The following SCAMP1 variants were observed in gnomAD, a reference collection of about 807,000 sequenced individuals.
SCAMP1 encodes the protein secretory carrier membrane protein 1, also known as secretory carrier-associated membrane protein 1.
Under a neutral mutation model 41.8 loss-of-function variants are expected in SCAMP1, and 15 were observed. That is an observed-to-expected ratio of 0.36 (90% CI 0.24 to 0.55). SCAMP1 has a LOEUF of 0.55. Ranked by LOEUF, SCAMP1 falls within the 20% of genes least tolerant of loss-of-function variation. SCAMP1 has a pLI of 0.86. For missense variants in SCAMP1, 341 were observed against 412.6 expected (o/e 0.83, Z 1.50); for synonymous variants, 135 against 136.8 (o/e 0.99, Z 0.09).
rs952194298 is a variant in SCAMP1 at position 78,417,641 on chromosome 5, G to A, written c.343+992G>A. 3.9e-5 allele frequency among the ~76,000 whole-genome samples: 6 copies of A among 152,286 alleles called. No homozygotes were observed. The South Asian group carries it at 6.2e-4, about 16-fold the overall frequency. On this transcript the variant is annotated intron_variant, in intron 4 of 8. Coordinates refer to ENST00000621999, the MANE Select transcript of SCAMP1 (RefSeq NM_004866.6). Reference sequence around the variant, plus strand: ...ATACAATCCTGTGAGGGGTGATAGAGTTTTTATTCTCATTTTACAGATATG... The same window carrying A: ...ATACAATCCTGTGAGGGGTGATAGAATTTTTATTCTCATTTTACAGATATG...
intron 6 of SCAMP1, among the ~76,000 whole-genome samples, chr5:78,447,289 C>G (rs941747620): frequency 2.0e-5 from 3 of 152,112 alleles, no homozygotes; most frequent in African/African-American, 7.2e-5. Flanking sequence ...AATGTAAAAA[C>G]CTTAAAATAG....
chr5:78,464,632 G>A (rs965556231), intron 8 of SCAMP1, among the ~76,000 whole-genome samples: 1 of 151,422 alleles, frequency 6.6e-6, no homozygotes, highest in Admixed American at 6.6e-5. Context: ...TCTGGGATTG[G>A]GAACGGCATT....
At chr5:78,421,366 G>A (rs937688022) in intron 5 of SCAMP1, among the ~76,000 whole-genome samples, 1 of 152,164 alleles carries the variant, frequency 6.6e-6, no homozygotes, top group African/African-American at 2.4e-5. Context: ...TACTGTATTA[G>A]TATTTTTAGT....
rs747747383 is a variant in SCAMP1, at chr5:78,421,944, C to G, written c.616C>G (p.Leu206Val). The G allele has an allele frequency of 1.1e-5, 17 of 1,611,274 alleles. No homozygotes were observed. The highest frequency in any genetic ancestry group is 1.3e-5 in the African/African-American group (1 of 74,756). The part of the protein sequence containing the change: ...PCSFVCWYRP[L>V]YGAFRSDSSF... Reference sequence around the variant, plus strand: ...TTCATTTGTCTGTTGGTACAGACCACTTTATGGAGCTTTCAGGTAAAATGT... The same window carrying G: ...TTCATTTGTCTGTTGGTACAGACCAGTTTATGGAGCTTTCAGGTAAAATGT... Residue 206 changes from leucine (L) to valine (V), a missense_variant, in exon 6 of 9, where the codon CTT becomes GTT. Coordinates refer to ENST00000621999, the MANE Select transcript of SCAMP1 (RefSeq NM_004866.6).
At position 78,480,059 on chromosome 5, in the gene SCAMP1, A is replaced by AC. The variant is rs1179332790; in HGVS notation, c.*4391_*4392insC. On this transcript the variant is annotated 3_prime_UTR_variant, in exon 9 of 9. Coordinates refer to ENST00000621999, the MANE Select transcript of SCAMP1 (RefSeq NM_004866.6). ...AGACTCCATCTCAAGAAAAAAAAAA[A>AC]AGAATTTTCATTAGTGCTGGCCGTG... is the stretch of plus-strand genomic sequence containing the variant. Among the ~76,000 whole-genome samples the AC allele has an allele frequency of 4.6e-5, 7 of 151,828 alleles. No individual in the cohort carries two copies. The East Asian group carries it at 1.4e-3, about 29-fold the overall frequency.
intron 8 of SCAMP1, among the ~76,000 whole-genome samples, chr5:78,466,731 A>G (rs1267040153): frequency 1.3e-5 from 2 of 152,162 alleles, no homozygotes; most frequent in African/African-American, 4.8e-5. Flanking sequence ...TAAGGAGGAG[A>G]GTAATTGAAT....
intron 2 of SCAMP1, among the ~76,000 whole-genome samples, chr5:78,401,764 G>A (rs1751805084): frequency 6.6e-6 from 1 of 151,930 alleles, no homozygotes; most frequent in Non-Finnish European, 1.5e-5. Context: ...TGAGTTTATC[G>A]ATCTTTTGAA....
chr5:78,445,508 C>T (rs1439845204), intron 6 of SCAMP1, among the ~76,000 whole-genome samples: 1 of 152,078 alleles, frequency 6.6e-6, no homozygotes, highest in South Asian at 2.1e-4. Context: ...ATTTTTAAAT[C>T]TATATTTCTG....
At chr5:78,403,105 A>G (rs771621165) in intron 2 of SCAMP1, among the ~76,000 whole-genome samples, 10 of 152,172 alleles carry the variant, frequency 6.6e-5, no homozygotes, top group African/African-American at 2.4e-4. Flanking sequence ...TCCTGGCCTC[A>G]AGTGATCTGC....
At chr5:78,409,975 CAG>C (rs1752029799) in intron 2 of SCAMP1, among the ~76,000 whole-genome samples, 2 of 152,066 alleles carry the variant, frequency 1.3e-5, no homozygotes, top group South Asian at 4.2e-4. Context: ...ACCAAGAAGA[CAG>C]GGCTTTGGGG....
chr5:78,449,608 T>C (rs55773498), intron 6 of SCAMP1, among the ~76,000 whole-genome samples: 7,144 of 152,260 alleles, frequency 0.047, 383 homozygotes, highest in East Asian at 0.3. Flanking sequence ...TGTGTGTTGA[T>C]TGTAATTCTA....
chr5:78,442,892 A>G (rs1752961606), intron 6 of SCAMP1, among the ~76,000 whole-genome samples: 1 of 152,142 alleles, frequency 6.6e-6, no homozygotes, highest in Non-Finnish European at 1.5e-5. Flanking sequence ...TCTTAGAGGT[A>G]GTTTTATCAC....
chr5:78,440,181 C>T (rs530999833), intron 6 of SCAMP1, among the ~76,000 whole-genome samples: 6 of 152,130 alleles, frequency 3.9e-5, no homozygotes, highest in East Asian at 1.9e-4. Flanking sequence ...TTTGTTATTA[C>T]GGATCGTCTG....
intron 6 of SCAMP1, among the ~76,000 whole-genome samples, chr5:78,442,274 T>C (rs984022131): frequency 2.6e-5 from 4 of 152,196 alleles, no homozygotes; most frequent in African/African-American, 9.6e-5. Context: ...AGTTTTTTGT[T>C]TGTTTGTTTG....
chr5:78,374,348 A>C (rs1422075457), intron 1 of SCAMP1, among the ~76,000 whole-genome samples: 3 of 152,140 alleles, frequency 2.0e-5, no homozygotes, highest in Non-Finnish European at 4.4e-5. Context: ...AGGTAGGGAA[A>C]TTCGGACACA....
At position 78,394,842 on chromosome 5, in the gene SCAMP1, G is replaced by A. The variant is rs534223649; in HGVS notation, c.135+5928G>A. 2.6e-4 allele frequency among the ~76,000 whole-genome samples: 39 copies of A among 152,250 alleles called. 1 individual carries two copies. The highest frequency in any genetic ancestry group is 1.0e-3 in the South Asian group (5 of 4,820). On this transcript the variant is annotated intron_variant, in intron 2 of 8. Coordinates refer to ENST00000621999, the MANE Select transcript of SCAMP1 (RefSeq NM_004866.6). ...TAGAAATACCCGATTTGTCTTTGGCGCTAACAGCTTCTTTTCCTACATCTA... is the reference window on the plus strand; with the variant it reads ...TAGAAATACCCGATTTGTCTTTGGCACTAACAGCTTCTTTTCCTACATCTA...
chr5:78,476,416 A>T lies in SCAMP1; in HGVS notation c.*748A>T, dbSNP rs576672284. 6.6e-6 allele frequency: 1 copy of T among 152,626 alleles called. No individual in the cohort carries two copies. The allele number at this position is 152,626 out of a possible 1,614,324, so 9.5% of individuals were successfully genotyped here. On this transcript the variant is annotated 3_prime_UTR_variant, in exon 9 of 9. Coordinates refer to ENST00000621999, the MANE Select transcript of SCAMP1 (RefSeq NM_004866.6). ...TGGGGGTGCAATATAAGAAGTTTAT[A>T]TAATATGCAGTACATTATCCAAAAG...
chr5:78,439,261 T>C (rs1752852980), intron 6 of SCAMP1, among the ~76,000 whole-genome samples: 1 of 151,724 alleles, frequency 6.6e-6, no homozygotes, highest in Non-Finnish European at 1.5e-5. Flanking sequence ...GTCATTATGA[T>C]GTTCGCTGGT....
In SCAMP1 at chr5:78,392,886, C is replaced by T. The variant is rs76888345; in HGVS notation, c.135+3972C>T. On this transcript the variant is annotated intron_variant, in intron 2 of 8. Coordinates refer to ENST00000621999, the MANE Select transcript of SCAMP1 (RefSeq NM_004866.6). Reference sequence around the variant, plus strand: ...ATTTAAGTGGTATATTAGCATTAGACCTTGGTCCTGTTTTAGTTAATTGGT... The same window carrying T: ...ATTTAAGTGGTATATTAGCATTAGATCTTGGTCCTGTTTTAGTTAATTGGT... Among the ~76,000 whole-genome samples the T allele has an allele frequency of 8.4e-3, 1,282 of 152,210 alleles. 1 individual carries two copies. Among genetic ancestry groups the T allele is most frequent in the Middle Eastern group, 0.024 (7 of 294 alleles).
Sources: allele counts gnomAD v4.1 joint callset (sites outside exome capture counted in the v4.1 genomes callset), GRCh38; gene constraint gnomAD v4.1.1; transcripts MANE v1.5; gene names NCBI Gene and HGNC (gene_info 2026-07-23, HGNC 2026-07-21).